The following MAST4 variants were observed in gnomAD, a reference collection of about 807,000 sequenced individuals.
MAST4 encodes the protein microtubule-associated serine/threonine-protein kinase 4.
In MAST4, 89 loss-of-function variants were observed where a neutral mutation model predicts 162.7. The ratio of observed to expected loss-of-function variants is 0.55; its 90% CI spans 0.46 to 0.65. The LOEUF is 0.65. Ranked by LOEUF, MAST4 falls within the 30% of genes least tolerant of loss-of-function variation. The pLI is 0.00. For synonymous variants in MAST4, 1,479 were observed against 1,361.1 expected (o/e 1.09, Z -1.91); for missense variants, 3,153 against 3,374.0 (o/e 0.93, Z 1.62).
chr5:66,740,650 A>C (rs570730050), intron 1 of MAST4, among the ~76,000 whole-genome samples: 3 of 152,316 alleles, frequency 2.0e-5, no homozygotes, highest in Non-Finnish European at 4.4e-5. Flanking sequence ...GAGGAAGTAG[A>C]GAAATTCAGT....
chr5:67,058,410 T>G (rs1759129280), intron 5 of MAST4, among the ~76,000 whole-genome samples: 1 of 152,168 alleles, frequency 6.6e-6, no homozygotes, highest in Non-Finnish European at 1.5e-5. Context: ...GCCCGGCAAA[T>G]TAACCTAAAG....
rs148924184 is a variant in MAST4, at chr5:67,141,922, A to G, written c.2495-193A>G. On this transcript the variant is annotated intron_variant, in intron 19 of 28. Coordinates refer to ENST00000403625, the MANE Select transcript of MAST4 (RefSeq NM_001164664.2). ...AGTGCCATAGCAACTGCTGTTAGCA[A>G]CATCAAATCTCCTACTGATAAATTA... Among the ~76,000 whole-genome samples the G allele has an allele frequency of 7.9e-5, 12 of 152,368 alleles. No individual in the cohort carries two copies. In the East Asian group the frequency reaches 2.3e-3, roughly 29 times the overall value.
At chr5:67,087,827 C>T in intron 5 of MAST4, among the ~76,000 whole-genome samples, 1 of 152,138 alleles carries the variant, frequency 6.6e-6, no homozygotes, top group East Asian at 1.9e-4. Flanking sequence ...TAAGATAGAA[C>T]TAACACCTCT....
Position 67,104,584 on chromosome 5 carries a change from C to A in MAST4, c.1356+9C>A. 6.2e-7 allele frequency: 1 copy of A among 1,606,958 alleles called. No homozygotes were observed. Among genetic ancestry groups the A allele is most frequent in the Non-Finnish European group, 8.5e-7 (1 of 1,175,240 alleles). ...ATAAGTTGCTACAGGAGGTAAGAACCATGTACCATATAGTTTTCTGATTTA... is the reference window on the plus strand; with the variant it reads ...ATAAGTTGCTACAGGAGGTAAGAACAATGTACCATATAGTTTTCTGATTTA... On this transcript the variant is annotated intron_variant, in intron 10 of 28. Transcript: ENST00000403625.
intron 3 of MAST4, among the ~76,000 whole-genome samples, chr5:66,838,303 A>G (rs543294065): frequency 3.9e-5 from 6 of 152,236 alleles, no homozygotes; most frequent in African/African-American, 1.2e-4. Context: ...CTCTCAAAAC[A>G]TTGGCTATTT....
At chr5:67,091,235 G>C (rs907280460) in intron 6 of MAST4, among the ~76,000 whole-genome samples, 1 of 151,992 alleles carries the variant, frequency 6.6e-6, no homozygotes, top group African/African-American at 2.4e-5. Flanking sequence ...ACTAAGTCTA[G>C]AAAAAAAAGT....
intron 3 of MAST4, among the ~76,000 whole-genome samples, chr5:66,860,898 C>G (rs1353020291): frequency 1.3e-5 from 2 of 152,000 alleles, no homozygotes; most frequent in Non-Finnish European, 2.9e-5. Context: ...ATGGGAAAGG[C>G]GCTGTGCATG....
intron 2 of MAST4, among the ~76,000 whole-genome samples, chr5:66,760,864 TATG>T (rs1325246948): frequency 9.8e-6 from 1 of 101,982 alleles, no homozygotes; most frequent in African/African-American, 4.4e-5. Flanking sequence ...ATGTTTGAGA[TATG>T]ATGAATATGC....
At chr5:67,059,930 G>T (rs533829831) in intron 5 of MAST4, among the ~76,000 whole-genome samples, 1 of 152,012 alleles carries the variant, frequency 6.6e-6, no homozygotes, top group Non-Finnish European at 1.5e-5. Flanking sequence ...AAAACATCCC[G>T]AATCCCACTC....
chr5:66,810,011 AT>A (rs1348599689), intron 3 of MAST4, among the ~76,000 whole-genome samples: 1 of 152,168 alleles, frequency 6.6e-6, no homozygotes, highest in Non-Finnish European at 1.5e-5. Context: ...GTCCTTTTTA[AT>A]AGTGGCAGAG....
intron 1 of MAST4, among the ~76,000 whole-genome samples, chr5:66,697,898 A>G (rs546011500): frequency 6.6e-6 from 1 of 152,268 alleles, no homozygotes; most frequent in Admixed American, 6.5e-5. Context: ...GCCTGAAACC[A>G]AAGTCTTCAG....
chr5:67,059,859 G>C (rs894479643), intron 5 of MAST4, among the ~76,000 whole-genome samples: 14 of 152,074 alleles, frequency 9.2e-5, no homozygotes, highest in Admixed American at 3.9e-4. Flanking sequence ...AGTCACCACT[G>C]TATTTATGCA....
chr5:67,016,147 G>A (rs1753264662), intron 4 of MAST4, among the ~76,000 whole-genome samples: 1 of 152,104 alleles, frequency 6.6e-6, no homozygotes, highest in African/African-American at 2.4e-5. Flanking sequence ...CAGCCGAGGA[G>A]GAGGGAGGGG....
intron 3 of MAST4, among the ~76,000 whole-genome samples, chr5:66,897,086 A>C (rs781329372): frequency 8.5e-5 from 13 of 152,222 alleles, no homozygotes; most frequent in Non-Finnish European, 8.8e-5. Context: ...AGAAATTTTT[A>C]ATCTTAAGAA....
At chr5:67,003,118 C>G (rs1751477115) in intron 4 of MAST4, among the ~76,000 whole-genome samples, 1 of 151,886 alleles carries the variant, frequency 6.6e-6, no homozygotes, top group African/African-American at 2.4e-5. Context: ...TTTTGCAATA[C>G]TTAGAAACAT....
intron 1 of MAST4, among the ~76,000 whole-genome samples, chr5:66,645,633 A>C (rs1745781564): frequency 6.6e-6 from 1 of 152,232 alleles, no homozygotes; most frequent in African/African-American, 2.4e-5. Flanking sequence ...CTACATATAC[A>C]GGGATTTTAA....
intron 4 of MAST4, among the ~76,000 whole-genome samples, chr5:67,032,888 A>G (rs16896169): frequency 0.024 from 3,725 of 152,230 alleles, 69 homozygotes; most frequent in Admixed American, 0.054. Flanking sequence ...CATTTATTTC[A>G]TGTTCAATAT....
chr5:67,073,817 C>T (rs570684566), intron 5 of MAST4, among the ~76,000 whole-genome samples: 2 of 152,130 alleles, frequency 1.3e-5, no homozygotes, highest in East Asian at 1.9e-4. Context: ...ACTATATATA[C>T]TAAAATGATT....
intron 4 of MAST4, among the ~76,000 whole-genome samples, chr5:66,953,861 C>A (rs1195148585): frequency 1.3e-5 from 2 of 152,136 alleles, no homozygotes; most frequent in Admixed American, 1.3e-4. Flanking sequence ...CATCCCTGGC[C>A]TCTACTCACT....
Sources: allele counts gnomAD v4.1 joint callset (sites outside exome capture counted in the v4.1 genomes callset), GRCh38; gene constraint gnomAD v4.1.1; transcripts MANE v1.5; gene names NCBI Gene and HGNC (gene_info 2026-07-23, HGNC 2026-07-21).